Variants in IGSF11 observed in about 807,000 individuals in gnomAD.
IGSF11 encodes the protein immunoglobulin superfamily member 11.
A neutral mutation model predicts 41.0 loss-of-function variants in IGSF11; 22 were observed. The ratio of observed to expected loss-of-function variants is 0.54; its 90% CI spans 0.38 to 0.77. The LOEUF (loss-of-function observed/expected upper bound fraction) is 0.77. Among genes scored for constraint, IGSF11 ranks in the 30% least tolerant of loss-of-function variants. IGSF11 has a pLI of 0.00. For missense variants in IGSF11, 444 were observed against 530.8 expected (o/e 0.84, Z 1.61); for synonymous variants, 219 against 201.3 (o/e 1.09, Z -0.74).
intron 1 of IGSF11, among the ~76,000 whole-genome samples, chr3:119,074,003 C>T (rs2076449358): frequency 6.6e-6 from 1 of 152,116 alleles, no homozygotes; most frequent in Non-Finnish European, 1.5e-5. Flanking sequence ...ACTGGAGCAC[C>T]CCGATTCATA....
At chr3:118,962,703 A>T (rs1378467592) in intron 1 of IGSF11, among the ~76,000 whole-genome samples, 1 of 152,174 alleles carries the variant, frequency 6.6e-6, no homozygotes, top group Non-Finnish European at 1.5e-5. Context: ...AAACTGAACA[A>T]GAGATCATCC....
intron 1 of IGSF11, among the ~76,000 whole-genome samples, chr3:119,028,136 G>T (rs1027231317): frequency 1.3e-5 from 2 of 152,136 alleles, no homozygotes; most frequent in African/African-American, 4.8e-5. Flanking sequence ...ATATAGTGGA[G>T]GATTTATGAT....
intron 1 of IGSF11, among the ~76,000 whole-genome samples, chr3:118,934,649 T>C (rs1943106075): frequency 6.6e-6 from 1 of 152,320 alleles, no homozygotes; most frequent in Non-Finnish European, 1.5e-5. Context: ...AAAAGTGTGC[T>C]TGTCCAAGAT....
At chr3:118,968,643 CTCTT>C (rs765815799) in intron 1 of IGSF11, among the ~76,000 whole-genome samples, 66 of 152,316 alleles carry the variant, frequency 4.3e-4, no homozygotes, top group African/African-American at 1.2e-3. Flanking sequence ...CAATAACTCT[CTCTT>C]TATCTCTTCG....
At chr3:118,958,449 G>A (rs1945111822) in intron 1 of IGSF11, among the ~76,000 whole-genome samples, 1 of 152,106 alleles carries the variant, frequency 6.6e-6, no homozygotes, top group South Asian at 2.1e-4. Flanking sequence ...TGTATTCAGA[G>A]ATGCTTATAT....
chr3:119,051,021 G>A (rs1340632137), intron 1 of IGSF11, among the ~76,000 whole-genome samples: 5 of 150,350 alleles, frequency 3.3e-5, no homozygotes, highest in Non-Finnish European at 7.4e-5. Context: ...GGGGAGGGAT[G>A]GCATTGGGAG....
At chr3:119,140,107 A>C (rs538362667) in intron 1 of IGSF11, among the ~76,000 whole-genome samples, 2 of 152,214 alleles carry the variant, frequency 1.3e-5, no homozygotes, top group East Asian at 3.9e-4. Context: ...AAAATATATG[A>C]CATATATAAA....
At chr3:118,914,469 C>A (rs1321735626) in intron 4 of IGSF11, among the ~76,000 whole-genome samples, 2 of 151,358 alleles carry the variant, frequency 1.3e-5, no homozygotes, top group African/African-American at 4.9e-5. Flanking sequence ...AGGGAGTTCT[C>A]TTTCCGAGTC....
intron 1 of IGSF11, among the ~76,000 whole-genome samples, chr3:118,978,679 T>C (rs575248814): frequency 6.6e-6 from 1 of 152,306 alleles, no homozygotes; most frequent in African/African-American, 2.4e-5. Flanking sequence ...TGATGCTGTT[T>C]ATAGTCAAAG....
intron 2 of IGSF11, among the ~76,000 whole-genome samples, chr3:118,929,018 A>G (rs1017411888): frequency 6.6e-6 from 1 of 152,160 alleles, no homozygotes; most frequent in African/African-American, 2.4e-5. Context: ...AGTTCAAAAA[A>G]CTGATTCCAA....
intron 1 of IGSF11, among the ~76,000 whole-genome samples, chr3:119,031,719 G>A (rs565702526): frequency 5.2e-4 from 79 of 152,208 alleles, no homozygotes; most frequent in African/African-American, 1.2e-3. Context: ...TTTTCATCCC[G>A]TAGCTGTCAT....
chr3:119,116,512 C>T (rs1466810159), intron 1 of IGSF11, among the ~76,000 whole-genome samples: 2 of 152,150 alleles, frequency 1.3e-5, no homozygotes, highest in Non-Finnish European at 2.9e-5. Flanking sequence ...TTACAGTAAA[C>T]TAAGCTAAGC....
intron 1 of IGSF11, among the ~76,000 whole-genome samples, chr3:119,087,142 T>C (rs2076689059): frequency 6.6e-6 from 1 of 152,074 alleles, no homozygotes. Flanking sequence ...CAATAAAAAT[T>C]AAGAAGGACA....
At chr3:119,141,767 G>C (rs986184237) in intron 1 of IGSF11, among the ~76,000 whole-genome samples, 3 of 151,686 alleles carry the variant, frequency 2.0e-5, no homozygotes, top group Non-Finnish European at 2.9e-5. Context: ...CAGTATTATT[G>C]TGAATAAATA....
intron 1 of IGSF11, among the ~76,000 whole-genome samples, chr3:118,957,939 A>C (rs182509055): frequency 1.3e-5 from 2 of 152,346 alleles, no homozygotes; most frequent in East Asian, 3.9e-4. Flanking sequence ...TACTAAGCCT[A>C]TTACATGTTT....
chr3:119,031,964 A>G (rs1221668399), intron 1 of IGSF11, among the ~76,000 whole-genome samples: 1 of 152,256 alleles, frequency 6.6e-6, no homozygotes, highest in Non-Finnish European at 1.5e-5. Context: ...AATCACAAGT[A>G]TGAGAAACAC....
At chr3:119,033,390 G>A (rs1002917167) in intron 1 of IGSF11, among the ~76,000 whole-genome samples, 1 of 152,142 alleles carries the variant, frequency 6.6e-6, no homozygotes, top group African/African-American at 2.4e-5. Context: ...TCATAACATG[G>A]ACATATTGAT....
intron 1 of IGSF11, among the ~76,000 whole-genome samples, chr3:118,938,290 G>C (rs890584276): frequency 1.3e-5 from 2 of 152,150 alleles, no homozygotes; most frequent in South Asian, 4.2e-4. Flanking sequence ...TCCCCTTTTG[G>C]GGGGCATTTA....
chr3:119,034,058 G>A (rs1940672364), intron 1 of IGSF11, among the ~76,000 whole-genome samples: 1 of 152,180 alleles, frequency 6.6e-6, no homozygotes, highest in African/African-American at 2.4e-5. Flanking sequence ...TTAAAATAAA[G>A]ATCATTTTCG....
Sources: allele counts gnomAD v4.1 joint callset (sites outside exome capture counted in the v4.1 genomes callset), GRCh38; gene constraint gnomAD v4.1.1; transcripts MANE v1.5; gene names NCBI Gene and HGNC (gene_info 2026-07-23, HGNC 2026-07-21).